Variants in ZFP64 observed in about 807,000 individuals in gnomAD.
The protein encoded by ZFP64 is ZFP64 zinc finger protein, also known as zinc finger protein 64.
Under a neutral mutation model 51.6 loss-of-function variants are expected in ZFP64, and 14 were observed. The ratio of observed to expected loss-of-function variants is 0.27; its 90% CI spans 0.18 to 0.42. ZFP64 has a LOEUF of 0.42. ZFP64 is among the 10% of genes least tolerant of loss of function. The pLI, the probability that ZFP64 is intolerant of heterozygous loss-of-function variation, is 1.00. For synonymous variants in ZFP64, 375 were observed against 361.4 expected (o/e 1.04, Z -0.43); for missense variants, 754 against 906.8 (o/e 0.83, Z 2.16).
intron 5 of ZFP64, among the ~76,000 whole-genome samples, chr20:52,142,355 G>A (rs1980297059): frequency 7.7e-6 from 1 of 130,400 alleles, no homozygotes; most frequent in Non-Finnish European, 1.6e-5. Flanking sequence ...GCGACAGAGT[G>A]AGACTTCATC....
At position 52,180,669 on chromosome 20, in the gene ZFP64, C is replaced by T. The variant is rs143071622; in HGVS notation, c.286+6163G>A. ...GGGCTGTTTTGTTTACTTTCACAGC[C>T]CCCTGATTATGTAATGAGAGCTAAC... On this transcript the variant is annotated intron_variant, in intron 2 of 5. Coordinates refer to ENST00000216923, the MANE Select transcript of ZFP64 (RefSeq NM_018197.3). 2.8e-3 allele frequency among the ~76,000 whole-genome samples: 427 copies of T among 152,142 alleles called. 2 individuals carry two copies. The highest frequency in any genetic ancestry group is 3.6e-3 in the Non-Finnish European group (246 of 68,010).
chr20:52,138,153 G>A (rs6013398), intron 5 of ZFP64, among the ~76,000 whole-genome samples: 3,039 of 152,132 alleles, frequency 0.02, 107 homozygotes, highest in African/African-American at 0.069. Flanking sequence ...GCTGCAGTGA[G>A]CCAAGATCAC....
Position 52,152,254 on chromosome 20 carries a change from C to T in ZFP64, c.1938G>A (p.Pro646=), listed in dbSNP as rs373844291. The change falls in exon 6 of 6, where the codon CCG becomes CCA. Residue 646 remains proline (P), a synonymous_variant. Transcript: ENST00000216923. ...QNIAVATTAP[P]VFSSSSQQEL... ...CTTGCTGGGAAGAGGAGGAGAAGACCGGTGGCGCTGTGGTGGCCACTGCGA... is the reference window on the plus strand; with the variant it reads ...CTTGCTGGGAAGAGGAGGAGAAGACTGGTGGCGCTGTGGTGGCCACTGCGA... The T allele has an allele frequency of 6.2e-7, 1 of 1,614,116 alleles. No homozygotes were observed. The highest frequency in any genetic ancestry group is 1.6e-4 in the Middle Eastern group (1 of 6,062).
At chr20:52,169,085 G>T (rs1398310075) in intron 2 of ZFP64, among the ~76,000 whole-genome samples, 1 of 152,186 alleles carries the variant, frequency 6.6e-6, no homozygotes, top group African/African-American at 2.4e-5. Flanking sequence ...GGCCAGTTAT[G>T]TAACTTCATT....
At chr20:52,107,059 C>T (rs546169385) in intron 5 of ZFP64, among the ~76,000 whole-genome samples, 15 of 152,258 alleles carry the variant, frequency 9.9e-5, no homozygotes, top group South Asian at 2.1e-4. Flanking sequence ...TGCACTCCAG[C>T]CTGGGCGACA....
Position 52,165,148 on chromosome 20 carries a change from A to G in ZFP64, c.449-391T>C, listed in dbSNP as rs1196014383. 1.5e-5 allele frequency: 7 copies of G among 460,346 alleles called. No individual in the cohort carries two copies. In the East Asian group the frequency reaches 2.1e-4, roughly 14 times the overall value. The allele number at this position is 460,346 out of a possible 1,614,324, so 28.5% of individuals were successfully genotyped here. A position where few individuals can be genotyped will look rare whatever the true frequency, so the allele number is the denominator to read the frequency against. ...CTGGTTGGAGCCTGGATCAGAGGGG[A>G]AAAATGTCATTCTTTTGATATTGGT... is the stretch of plus-strand genomic sequence containing the variant. On this transcript the variant is annotated intron_variant, in intron 3 of 5. Transcript: ENST00000216923.
chr20:52,172,897 T>C (rs951135881), intron 2 of ZFP64, among the ~76,000 whole-genome samples: 7 of 152,230 alleles, frequency 4.6e-5, no homozygotes, highest in Admixed American at 4.6e-4. Flanking sequence ...CTTTCCTGCA[T>C]GTTCAGGTGT....
At chr20:52,185,761 A>G (rs547633410) in intron 2 of ZFP64, among the ~76,000 whole-genome samples, 5 of 151,834 alleles carry the variant, frequency 3.3e-5, no homozygotes, top group African/African-American at 1.2e-4. Context: ...TTGTATTTTT[A>G]GTAGAGACAG....
In ZFP64 at chr20:52,171,343, G is replaced by A. The variant is rs1982696822; in HGVS notation, c.287-5318C>T. On this transcript the variant is annotated intron_variant, in intron 2 of 5. Transcript: ENST00000216923. ...ATGCCGGAGTCGCCACTCATCCCCAGGGGGTGTGTGTGCATATGTGTATGT... is the reference window on the plus strand; with the variant it reads ...ATGCCGGAGTCGCCACTCATCCCCAAGGGGTGTGTGTGCATATGTGTATGT... 2.6e-5 allele frequency among the ~76,000 whole-genome samples: 4 copies of A among 152,116 alleles called. No homozygotes were observed. In the South Asian group the frequency reaches 8.3e-4, roughly 32 times the overall value.
chr20:52,175,263 C>G (rs976489932), intron 2 of ZFP64, among the ~76,000 whole-genome samples: 1 of 152,112 alleles, frequency 6.6e-6, no homozygotes, highest in African/African-American at 2.4e-5. Context: ...GCTGGGATAA[C>G]AGGTATGCGC....
At chr20:52,165,786 G>C in intron 3 of ZFP64, 78 bp downstream of exon 3, 1 of 1,582,784 alleles carries the variant, frequency 6.3e-7, no homozygotes, top group Non-Finnish European at 8.6e-7. Flanking sequence ...GCAGTTGTCA[G>C]GAACTCATGA....
chr20:52,116,450 T>C lies in ZFP64; in HGVS notation c.764-17863A>G, dbSNP rs1248993395. Among the ~76,000 whole-genome samples, 10 of 151,686 alleles carry C rather than the reference T, an allele frequency of 6.6e-5. 1 individual carries two copies. Among genetic ancestry groups the C allele is most frequent in the South Asian group, 4.2e-4 (2 of 4,818 alleles). On this transcript the variant is annotated intron_variant, in intron 5 of 8. Transcript: ENST00000361387. ...TGCGCCTGGCCATATTTCTTTCTTT[T>C]TTTTTTTTTTTAAAGAAAATAAGGA...
Position 52,143,883 on chromosome 20 carries a change from G to A in ZFP64, c.763+16240C>T, listed in dbSNP as rs1980391415. Among the ~76,000 whole-genome samples the A allele has an allele frequency of 1.4e-5, 2 of 142,602 alleles. 1 individual carries two copies. The highest frequency in any genetic ancestry group is 3.1e-5 in the Non-Finnish European group (2 of 64,220). 93.6% of individuals were successfully genotyped at this position (142,602 alleles called of 152,430 possible). The stretch of plus-strand genomic sequence containing the variant: ...ACTTTGCAAGTTACAGAAATAGATA[G>A]TGTTGCAAATAACTCATCCACAGGA... On this transcript the variant is annotated intron_variant, in intron 5 of 8. Coordinates refer to the ZFP64 transcript ENST00000361387.
chr20:52,108,627 G>C lies in ZFP64; in HGVS notation c.764-10040C>G, dbSNP rs1012968218. The stretch of plus-strand genomic sequence containing the variant: ...GGGTTCAAGCAATTCTCCTTTCTTA[G>C]CTTCCTGAGTAGCTGGGATTACAGA... On this transcript the variant is annotated intron_variant, in intron 5 of 8. Coordinates refer to the ZFP64 transcript ENST00000361387. Among the ~76,000 whole-genome samples, 3 of 151,352 alleles carry C rather than the reference G, an allele frequency of 2.0e-5. No homozygotes were observed. In the South Asian group the frequency reaches 6.3e-4, roughly 32 times the overall value.
intron 2 of ZFP64, chr20:52,175,880 T>C (rs1466992650): frequency 4.9e-5 from 9 of 184,570 alleles, no homozygotes; most frequent in Non-Finnish European, 6.1e-5. Context: ...GCCCCCAAAA[T>C]AATTCATTTT....
chr20:52,127,367 T>G (rs2122869938), intron 5 of ZFP64, among the ~76,000 whole-genome samples: 1 of 152,282 alleles, frequency 6.6e-6, no homozygotes, highest in East Asian at 1.9e-4. Context: ...AAATCTCATC[T>G]TGAATTATGA....
intron 7 of ZFP64, among the ~76,000 whole-genome samples, chr20:52,094,681 C>G (rs2078966378): frequency 6.6e-6 from 1 of 152,122 alleles, no homozygotes; most frequent in Non-Finnish European, 1.5e-5. Flanking sequence ...ATCACTTGAA[C>G]CTGATTGCAC....
intron 5 of ZFP64, chr20:52,105,377 T>C: frequency 8.1e-7 from 1 of 1,237,264 alleles, no homozygotes; most frequent in Non-Finnish European, 1.0e-6. Context: ...CAGGGCGATT[T>C]ATCAAGAGTC....
At chr20:52,131,155 A>G (rs1005308970) in intron 5 of ZFP64, among the ~76,000 whole-genome samples, 3 of 151,292 alleles carry the variant, frequency 2.0e-5, no homozygotes, top group Non-Finnish European at 2.9e-5. Flanking sequence ...ACAGGAAGGA[A>G]GGAAAGGAGG....
Sources: gnomAD v4.1 joint callset for allele counts (sites outside exome capture counted in the v4.1 genomes callset) on GRCh38, gnomAD v4.1.1 for gene constraint, MANE v1.5 for transcripts, NCBI Gene and HGNC (gene_info 2026-07-23, HGNC 2026-07-21) for gene names.